Variants in PRKX observed in about 807,000 individuals in gnomAD.
PRKX encodes the protein cAMP-dependent protein kinase catalytic subunit PRKX.
In PRKX, 12 loss-of-function variants were observed where a neutral mutation model predicts 22.0. The ratio of observed to expected loss-of-function variants is 0.54; its 90% CI spans 0.35 to 0.88. The LOEUF (loss-of-function observed/expected upper bound fraction) is 0.88, where lower values mean the gene tolerates loss of function less well. PRKX is among the 40% of genes least tolerant of loss of function. PRKX has a pLI of 0.01. For synonymous variants in PRKX, 134 were observed against 137.7 expected, an observed-to-expected ratio of 0.97 and a Z score of 0.19; for missense variants, 217 against 308.0, an observed-to-expected ratio of 0.70 and a Z score of 2.21.
intron 1 of PRKX, among the ~76,000 whole-genome samples, chrX:3,711,059 T>C (rs780841214): frequency 8.9e-6 from 1 of 111,772 alleles, no homozygotes; most frequent in East Asian, 2.8e-4. Context: ...CTCAGATTGC[T>C]CTTTAACCAA....
intron 5 of PRKX, among the ~76,000 whole-genome samples, chrX:3,623,353 G>A (rs372443004): frequency 6.3e-5 from 7 of 110,619 alleles, no homozygotes; most frequent in Admixed American, 5.8e-4. Context: ...CCAAGAGTTC[G>A]AAACCAGCAT....
chrX:3,627,033 G>A (rs931671265), intron 4 of PRKX, among the ~76,000 whole-genome samples: 3 of 111,543 alleles, frequency 2.7e-5, no homozygotes, highest in Non-Finnish European at 3.8e-5. Context: ...AATGCTCAAC[G>A]TCACTAATCA....
At chrX:3,671,128 C>A (rs1404644141) in intron 2 of PRKX, among the ~76,000 whole-genome samples, 1 of 111,613 alleles carries the variant, frequency 9.0e-6, no homozygotes, top group Non-Finnish European at 1.9e-5. Flanking sequence ...GCTCTGCCTC[C>A]CAGGCTCAAG....
At chrX:3,624,120 G>C (rs1375934701) in intron 5 of PRKX, among the ~76,000 whole-genome samples, 1 of 111,375 alleles carries the variant, frequency 9.0e-6, no homozygotes, top group East Asian at 2.8e-4. Context: ...CCAACACTTG[G>C]GGAGGACAAG....
chrX:3,661,005 C>T (rs765553117), intron 2 of PRKX, among the ~76,000 whole-genome samples: 156 of 110,293 alleles, frequency 1.4e-3, no homozygotes, highest in African/African-American at 5.0e-3. Context: ...TATGAAAATA[C>T]ATCTGTTCCA....
In PRKX at chrX:3,606,852, A is replaced by T. The variant is rs1052773525; in HGVS notation, c.*2117T>A. 1 of 111,974 alleles carries T rather than the reference A, an allele frequency of 8.9e-6. No homozygotes were observed. Among genetic ancestry groups the T allele is most frequent in the African/African-American group, 3.2e-5 (1 of 30,829 alleles). The allele number at this position is 111,974 out of a possible 1,213,427, so 9.2% of individuals were successfully genotyped here. A position where few individuals can be genotyped will look rare whatever the true frequency, so the allele number is the denominator to read the frequency against. ...TGTGATGGTCCAAAGTGGGTTTCAC[A>T]CCATCACACGTTCTTGGAATCGCTT... On this transcript the variant is annotated 3_prime_UTR_variant, in exon 9 of 9. Coordinates refer to ENST00000262848, the MANE Select transcript of PRKX (RefSeq NM_005044.5).
chrX:3,628,494 T>C (rs980897900), intron 4 of PRKX, among the ~76,000 whole-genome samples: 3 of 111,992 alleles, frequency 2.7e-5, no homozygotes, highest in African/African-American at 9.7e-5. Context: ...CATCACTGTC[T>C]ACCCCATGAA....
At chrX:3,705,974 G>A (rs1928675239) in intron 1 of PRKX, among the ~76,000 whole-genome samples, 1 of 97,431 alleles carries the variant, frequency 1.0e-5, no homozygotes, top group South Asian at 5.2e-4. Context: ...TTACAGGCAT[G>A]AGCCACCGCA....
intron 4 of PRKX, among the ~76,000 whole-genome samples, chrX:3,632,232 C>G (rs749906187): frequency 9.0e-6 from 1 of 111,559 alleles, no homozygotes. Flanking sequence ...TAGGGTATCT[C>G]TTTGGGCCGC....
Position 3,677,452 on chromosome X carries a change from A to G in PRKX, c.167-2686T>C, listed in dbSNP as rs750132552. 3.9e-4 allele frequency among the ~76,000 whole-genome samples: 42 copies of G among 107,526 alleles called. 1 individual carries two copies. The South Asian group carries it at 0.017, about 44-fold the overall frequency. The allele number at this position is 107,526 out of a possible 115,157, so 93.4% of individuals were successfully genotyped here. A position where few individuals can be genotyped will look rare whatever the true frequency, so the allele number is the denominator to read the frequency against. ...TCAAGTGACCCTCCCACCTCAGCCC[A>G]AATAGTTGGGACTACAGGCGTGCAC... On this transcript the variant is annotated intron_variant, in intron 1 of 8. Transcript: ENST00000262848.
chrX:3,689,938 C>G (rs2146604413), intron 1 of PRKX, among the ~76,000 whole-genome samples: 1 of 111,242 alleles, frequency 9.0e-6, no homozygotes, highest in Admixed American at 9.6e-5. Context: ...GATGGCACCA[C>G]TGCACTCCAG....
intron 6 of PRKX, among the ~76,000 whole-genome samples, chrX:3,617,163 C>G (rs1309259125): frequency 9.2e-6 from 1 of 109,194 alleles, no homozygotes; most frequent in Non-Finnish European, 1.9e-5. Flanking sequence ...TATATACATA[C>G]ACGTTAATAT....
chrX:3,706,541 A>G (rs1413977636), intron 1 of PRKX, among the ~76,000 whole-genome samples: 1 of 111,559 alleles, frequency 9.0e-6, no homozygotes, highest in African/African-American at 3.3e-5. Flanking sequence ...GCTGGAATGC[A>G]GTAGCACGAT....
At chrX:3,709,183 C>CAAAAA (rs35004174) in intron 1 of PRKX, among the ~76,000 whole-genome samples, 724 of 47,587 alleles carry the variant, frequency 0.015, 27 homozygotes, top group East Asian at 0.044. Context: ...GACCCTGTCT[C>CAAAAA]AAAAAAAAAA....
intron 1 of PRKX, among the ~76,000 whole-genome samples, chrX:3,676,837 G>A (rs1348731094): frequency 9.0e-6 from 1 of 111,185 alleles, no homozygotes; most frequent in Non-Finnish European, 1.9e-5. Flanking sequence ...TAAGTCTCAC[G>A]AGATCAGATG....
chrX:3,644,166 G>C (rs1484191258), intron 3 of PRKX, among the ~76,000 whole-genome samples: 3 of 103,307 alleles, frequency 2.9e-5, no homozygotes, highest in Non-Finnish European at 5.9e-5. Flanking sequence ...GGGAGGTTGA[G>C]GCAGGAGGAT....
intron 2 of PRKX, among the ~76,000 whole-genome samples, chrX:3,668,401 A>C (rs1392500406): frequency 9.0e-6 from 1 of 111,307 alleles, no homozygotes; most frequent in African/African-American, 3.3e-5. Flanking sequence ...TAAATAAATA[A>C]ATAAAAGGAG....
chrX:3,700,897 C>G lies in PRKX; in HGVS notation c.166+12191G>C, dbSNP rs564554056. On this transcript the variant is annotated intron_variant, in intron 1 of 8. Transcript: ENST00000262848. ...GATTACAGGTGTTCAGCCACCAAGC[C>G]CAGCCCGAAAATCAATGAAGTTGAC... Among the ~76,000 whole-genome samples, 160 of 111,458 alleles carry G rather than the reference C, an allele frequency of 1.4e-3. 1 individual carries two copies. In the South Asian group the frequency reaches 0.016, roughly 11 times the overall value.
chrX:3,683,483 G>A (rs1361943294), intron 1 of PRKX, among the ~76,000 whole-genome samples: 1 of 110,428 alleles, frequency 9.1e-6, no homozygotes, highest in Non-Finnish European at 1.9e-5. Context: ...ACGCAGAGCC[G>A]CCCCAAACAT....
Sources: gnomAD v4.1 joint callset for allele counts (sites outside exome capture counted in the v4.1 genomes callset) on GRCh38, gnomAD v4.1.1 for gene constraint, MANE v1.5 for transcripts, NCBI Gene and HGNC (gene_info 2026-07-23, HGNC 2026-07-21) for gene names.